Variants in CTNNA2 observed in about 807,000 individuals in gnomAD.
CTNNA2 encodes catenin alpha-2.
In CTNNA2, 42 loss-of-function variants were observed where a neutral mutation model predicts 101.0. The ratio of observed to expected loss-of-function variants is 0.42; its 90% confidence interval spans 0.32 to 0.54. The LOEUF is 0.54. CTNNA2 is among the 20% of genes least tolerant of loss of function. CTNNA2 has a pLI of 0.14. For missense variants in CTNNA2, 871 were observed against 1,223.1 expected (o/e 0.71, Z 4.29); for synonymous variants, 450 against 456.4 (o/e 0.99, Z 0.18).
intron 4 of CTNNA2, among the ~76,000 whole-genome samples, chr2:79,413,056 G>C (rs1678434981): frequency 6.6e-6 from 1 of 152,024 alleles, no homozygotes; most frequent in Non-Finnish European, 1.5e-5. Flanking sequence ...GCTAACAAGT[G>C]TCAGGGTCAA....
At chr2:80,061,359 A>G (rs1378288548) in intron 7 of CTNNA2, among the ~76,000 whole-genome samples, 2 of 152,078 alleles carry the variant, frequency 1.3e-5, no homozygotes, top group Non-Finnish European at 2.9e-5. Flanking sequence ...AGGAAGAACT[A>G]CTCCTAAAAT....
At chr2:79,930,878 A>T (rs978391637) in intron 7 of CTNNA2, among the ~76,000 whole-genome samples, 4 of 152,144 alleles carry the variant, frequency 2.6e-5, no homozygotes, top group African/African-American at 7.2e-5. Flanking sequence ...CTTGTTAAGA[A>T]TTTTCTCTGC....
chr2:79,489,214 TA>T lies in CTNNA2; in HGVS notation c.-134-15839del, dbSNP rs76656377. Among the ~76,000 whole-genome samples, 1,152 of 152,300 alleles carry T rather than the reference TA, an allele frequency of 7.6e-3. 45 individuals are homozygous for T. The East Asian group carries it at 0.12, about 16-fold the overall frequency. ...GATTTCTGTCCAGTTATTTACTCAT[TA>T]TTTTCTCTATAAGAATGGTATGGTA... On this transcript the variant is annotated intron_variant, in intron 4 of 21. Transcript: ENST00000466387.
intron 7 of CTNNA2, among the ~76,000 whole-genome samples, chr2:80,183,965 T>C (rs1573327929): frequency 6.6e-6 from 1 of 152,088 alleles, no homozygotes; most frequent in East Asian, 1.9e-4. Context: ...AGTCATCAAC[T>C]TGTGAGCTTG....
At chr2:79,588,429 T>C (rs1676632087) in intron 1 of CTNNA2, among the ~76,000 whole-genome samples, 2 of 152,218 alleles carry the variant, frequency 1.3e-5, no homozygotes, top group Non-Finnish European at 2.9e-5. Context: ...GCTTTCTGGA[T>C]AAAGATATAC....
intron 1 of CTNNA2, among the ~76,000 whole-genome samples, chr2:79,567,978 T>C (rs144328168): frequency 6.6e-6 from 1 of 152,244 alleles, no homozygotes; most frequent in Non-Finnish European, 1.5e-5. Context: ...AAGGTAGACA[T>C]TGAAGACCTT....
intron 7 of CTNNA2, among the ~76,000 whole-genome samples, chr2:79,936,176 T>C (rs1442320388): frequency 6.6e-6 from 1 of 152,154 alleles, no homozygotes; most frequent in African/African-American, 2.4e-5. Context: ...ATTTTTTTTT[T>C]CTTTCTGAGG....
chr2:79,839,079 G>A (rs1164240639), intron 3 of CTNNA2, among the ~76,000 whole-genome samples: 3 of 151,992 alleles, frequency 2.0e-5, no homozygotes, highest in Non-Finnish European at 4.4e-5. Context: ...GCAGTCCTCT[G>A]TACAAAAAGT....
intron 9 of CTNNA2, among the ~76,000 whole-genome samples, chr2:80,475,830 GA>G (rs112114054): frequency 1.6e-4 from 24 of 151,806 alleles, no homozygotes; most frequent in Middle Eastern, 3.2e-3. Context: ...GAATGAAGGG[GA>G]AAGAAAAAAC....
intron 4 of CTNNA2, among the ~76,000 whole-genome samples, chr2:79,399,340 A>T (rs962562530): frequency 2.0e-5 from 3 of 152,112 alleles, no homozygotes; most frequent in Admixed American, 2.0e-4. Context: ...TATATCAGGT[A>T]AGATTTGAGT....
chr2:79,746,554 G>A (rs1330479635), intron 3 of CTNNA2, among the ~76,000 whole-genome samples: 1 of 152,152 alleles, frequency 6.6e-6, no homozygotes, highest in East Asian at 1.9e-4. Context: ...ATAAATCTTA[G>A]TGCCATTCTT....
chr2:79,305,231 T>TAC (rs141487181), intron 2 of CTNNA2, among the ~76,000 whole-genome samples: 41 of 150,356 alleles, frequency 2.7e-4, no homozygotes, highest in East Asian at 5.8e-4. Context: ...AATATATATA[T>TAC]ACACACACAC....
intron 2 of CTNNA2, among the ~76,000 whole-genome samples, chr2:79,700,630 A>G (rs941344056): frequency 6.6e-6 from 1 of 152,168 alleles, no homozygotes; most frequent in African/African-American, 2.4e-5. Flanking sequence ...AAATGGCAGC[A>G]AGGCTATATT....
At chr2:79,292,663 A>G (rs1007588405) in intron 2 of CTNNA2, among the ~76,000 whole-genome samples, 4 of 152,198 alleles carry the variant, frequency 2.6e-5, no homozygotes, top group Non-Finnish European at 5.9e-5. Context: ...GAGGCACACA[A>G]CAAATGAACA....
intron 9 of CTNNA2, among the ~76,000 whole-genome samples, chr2:80,508,875 G>T (rs1337933438): frequency 1.3e-5 from 2 of 152,080 alleles, no homozygotes; most frequent in African/African-American, 4.8e-5. Context: ...AGGAATCTTG[G>T]CCCAGACTAG....
At chr2:80,416,219 GA>G (rs962876385) in intron 8 of CTNNA2, among the ~76,000 whole-genome samples, 44 of 148,582 alleles carry the variant, frequency 3.0e-4, no homozygotes, top group African/African-American at 9.4e-4. Context: ...CACCAATAAA[GA>G]AAAAAAAAGG....
chr2:79,230,852 A>G (rs1422711241), intron 2 of CTNNA2, among the ~76,000 whole-genome samples: 7 of 152,194 alleles, frequency 4.6e-5, no homozygotes, highest in Admixed American at 4.6e-4. Flanking sequence ...GTCAAATATC[A>G]TTTTGGAACT....
At chr2:79,672,707 T>C (rs927483194) in intron 2 of CTNNA2, among the ~76,000 whole-genome samples, 2 of 150,846 alleles carry the variant, frequency 1.3e-5, no homozygotes, top group South Asian at 2.1e-4. Context: ...TTTTCTTTTT[T>C]CTTTTTTTTT....
At chr2:80,413,914 A>AATGATTATTATTATT (rs1679809177) in intron 8 of CTNNA2, among the ~76,000 whole-genome samples, 1 of 152,186 alleles carries the variant, frequency 6.6e-6, no homozygotes, top group African/African-American at 2.4e-5. Context: ...AGAAGTTAAC[A>AATGATTATTATTATT]CTATTATTCT....
Sources: gnomAD v4.1 joint callset for allele counts (sites outside exome capture counted in the v4.1 genomes callset) on GRCh38, gnomAD v4.1.1 for gene constraint, MANE v1.5 for transcripts, NCBI Gene and HGNC (gene_info 2026-07-23, HGNC 2026-07-21) for gene names.